CUL2: variants seen among roughly 807,000 people sequenced by gnomAD.
CUL2 encodes cullin-2.
In CUL2, 22 loss-of-function variants were observed where a neutral mutation model predicts 110.2. The ratio of observed to expected loss-of-function variants is 0.20; its 90% confidence interval spans 0.14 to 0.28. The LOEUF (loss-of-function observed/expected upper bound fraction) is 0.28. Ranked by LOEUF, CUL2 falls within the 10% of genes least tolerant of loss-of-function variation. The pLI, the probability that CUL2 is intolerant of heterozygous loss-of-function variation, is 1.00. For missense variants in CUL2, 631 were observed against 905.5 expected, an observed-to-expected ratio of 0.70 and a Z score of 3.89; for synonymous variants, 279 against 293.2, an observed-to-expected ratio of 0.95 and a Z score of 0.49.
At chr10:35,037,336 A>G (rs2085648633) in intron 9 of CUL2, among the ~76,000 whole-genome samples, 1 of 152,156 alleles carries the variant, frequency 6.6e-6, no homozygotes. Flanking sequence ...GTGGCCACAT[A>G]TGCTTGGGTT....
intron 5 of CUL2, among the ~76,000 whole-genome samples, chr10:35,050,060 C>T (rs1477568778): frequency 1.3e-5 from 2 of 152,152 alleles, no homozygotes; most frequent in African/African-American, 4.8e-5. Flanking sequence ...CAGTGGGTAA[C>T]GTCTGTAATC....
At chr10:35,045,197 C>G (rs992348557) in intron 6 of CUL2, among the ~76,000 whole-genome samples, 2 of 152,168 alleles carry the variant, frequency 1.3e-5, no homozygotes, top group Non-Finnish European at 2.9e-5. Flanking sequence ...AACTTTAATA[C>G]TGGCGGTTAA....
chr10:35,083,583 C>G (rs1200805517), intron 1 of CUL2, among the ~76,000 whole-genome samples: 1 of 152,158 alleles, frequency 6.6e-6, no homozygotes, highest in Non-Finnish European at 1.5e-5. Flanking sequence ...CCTATGATGT[C>G]AGAAAATAGA....
chr10:35,087,468 G>A (rs2087092220), intron 1 of CUL2, among the ~76,000 whole-genome samples: 1 of 152,144 alleles, frequency 6.6e-6, no homozygotes, highest in South Asian at 2.1e-4. Flanking sequence ...TCGTTGGATG[G>A]CTGAATCACT....
intron 2 of CUL2, among the ~76,000 whole-genome samples, chr10:35,066,190 G>A (rs1323255336): frequency 6.6e-6 from 1 of 151,904 alleles, no homozygotes; most frequent in Admixed American, 6.6e-5. Context: ...TGAGAGTTTT[G>A]CAATGGGAAT....
chr10:35,025,640 G>A, intron 16 of CUL2, among the ~76,000 whole-genome samples: 1 of 152,138 alleles, frequency 6.6e-6, no homozygotes, highest in Non-Finnish European at 1.5e-5. Flanking sequence ...CAAATACGAA[G>A]TTTTAGGGTA....
At chr10:35,039,498 T>G (rs1385885214) in intron 8 of CUL2, among the ~76,000 whole-genome samples, 1 of 152,242 alleles carries the variant, frequency 6.6e-6, no homozygotes, top group East Asian at 1.9e-4. Flanking sequence ...TATTTTACGT[T>G]GGTTTCTCTT....
Position 35,105,920 on chromosome 10 carries a change from C to G in CUL2, c.-50-4860G>C, listed in dbSNP as rs142773079. On this transcript the variant is annotated intron_variant, in intron 1 of 5. Coordinates refer to the CUL2 transcript ENST00000685421. ...TGGTATGATGACAATGTACTTTACA[C>G]ATAGATAGCTAGGAAGGATGAGAAC... 5.6e-3 allele frequency among the ~76,000 whole-genome samples: 844 copies of G among 151,042 alleles called. 8 individuals are homozygous for G. The highest frequency in any genetic ancestry group is 0.014 in the Admixed American group (205 of 15,140).
intron 2 of CUL2, among the ~76,000 whole-genome samples, chr10:35,065,429 G>C (rs2086492885): frequency 6.6e-6 from 1 of 152,062 alleles, no homozygotes; most frequent in Non-Finnish European, 1.5e-5. Flanking sequence ...GACCATCCTG[G>C]CTAACATGGT....
intron 1 of CUL2, among the ~76,000 whole-genome samples, chr10:35,122,070 G>T (rs946160689): frequency 2.0e-5 from 3 of 152,024 alleles, no homozygotes; most frequent in Non-Finnish European, 2.9e-5. Flanking sequence ...AACATTTTTT[G>T]CCAAATGGCA....
At chr10:35,028,336 C>T (rs927498790) in intron 16 of CUL2, among the ~76,000 whole-genome samples, 1 of 152,178 alleles carries the variant, frequency 6.6e-6, no homozygotes, top group African/African-American at 2.4e-5. Context: ...GTTATTACCA[C>T]GAAACTAATA....
intron 1 of CUL2, among the ~76,000 whole-genome samples, chr10:35,106,465 G>A (rs1202082973): frequency 3.3e-5 from 5 of 151,728 alleles, no homozygotes; most frequent in African/African-American, 1.2e-4. Flanking sequence ...GACTAGAGGC[G>A]CCGGCCACCA....
At chr10:35,038,777 A>T in intron 9 of CUL2, 143 bp downstream of exon 9, 1 of 488,582 alleles carries the variant, frequency 2.0e-6, no homozygotes. Flanking sequence ...GTCTTTCAAA[A>T]TAAAGTATTA....
At chr10:35,029,139 C>T (rs1477118439) in intron 15 of CUL2, among the ~76,000 whole-genome samples, 1 of 151,556 alleles carries the variant, frequency 6.6e-6, no homozygotes, top group East Asian at 1.9e-4. Flanking sequence ...CTCACTGCAA[C>T]CTCCGCCTCT....
intron 4 of CUL2, among the ~76,000 whole-genome samples, chr10:35,056,934 T>G (rs1754694240): frequency 6.6e-6 from 1 of 152,154 alleles, no homozygotes; most frequent in South Asian, 2.1e-4. Flanking sequence ...TCTCACTACT[T>G]CCTTTGACTT....
At chr10:35,104,053 G>A (rs1319473448) in intron 1 of CUL2, among the ~76,000 whole-genome samples, 2 of 152,164 alleles carry the variant, frequency 1.3e-5, no homozygotes, top group Non-Finnish European at 2.9e-5. Flanking sequence ...TCTGGAAAAC[G>A]TTAAACATAG....
intron 17 of CUL2, among the ~76,000 whole-genome samples, chr10:35,020,415 T>G (rs1283757156): frequency 6.6e-6 from 1 of 152,232 alleles, no homozygotes; most frequent in Admixed American, 6.5e-5. Context: ...TTTTAGCTGT[T>G]GGAATTATTT....
At chr10:35,115,009 C>T (rs1040684695) in intron 1 of CUL2, among the ~76,000 whole-genome samples, 38 of 149,646 alleles carry the variant, frequency 2.5e-4, no homozygotes, top group East Asian at 1.2e-3. Context: ...GTCAGAAGTT[C>T]GAGACCAGCC....
At chr10:35,033,376 T>C (rs1345338113) in intron 10 of CUL2, 103 bp from the exon 11 acceptor site, 2 of 737,820 alleles carry the variant, frequency 2.7e-6, no homozygotes, top group African/African-American at 3.5e-5. Context: ...TCAAGGAAAT[T>C]ATGTTTCACA....
Sources: allele counts gnomAD v4.1 joint callset (sites outside exome capture counted in the v4.1 genomes callset), GRCh38; gene constraint gnomAD v4.1.1; transcripts MANE v1.5; gene names NCBI Gene and HGNC (gene_info 2026-07-23, HGNC 2026-07-21).